RAB7A: variants seen among roughly 807,000 people sequenced by gnomAD.
RAB7A encodes RAB7A, member RAS oncogene family.
Under a neutral mutation model 24.5 loss-of-function variants are expected in RAB7A, and 2 were observed. That is an observed-to-expected ratio of 0.08 (90% CI 0.03 to 0.26). The LOEUF (loss-of-function observed/expected upper bound fraction) is 0.26, where lower values mean the gene tolerates loss of function less well. Among genes scored for constraint, RAB7A ranks in the 10% least tolerant of loss-of-function variants. The pLI, the probability that RAB7A is intolerant of heterozygous loss-of-function variation, is 1.00. For synonymous variants in RAB7A, 100 were observed against 95.9 expected (o/e 1.04, Z -0.25); for missense variants, 118 against 255.7 (o/e 0.46, Z 3.67).
chr3:128,776,945 TACACACACACACACACACAC>T (rs71153145), intron 1 of RAB7A, among the ~76,000 whole-genome samples: 4 of 142,358 alleles, frequency 2.8e-5, no homozygotes, highest in Admixed American at 2.1e-4. Flanking sequence ...TTAGTTGAGC[TACACACACACACACACACAC>T]ACACACACAC....
At chr3:128,802,501 G>T (rs1316989027) in intron 3 of RAB7A, among the ~76,000 whole-genome samples, 1 of 152,112 alleles carries the variant, frequency 6.6e-6, no homozygotes, top group Non-Finnish European at 1.5e-5. Context: ...TTTTATTTAT[G>T]TATGTATGTA....
chr3:128,730,820 C>CT (rs1220083710), intron 1 of RAB7A, among the ~76,000 whole-genome samples: 1 of 152,110 alleles, frequency 6.6e-6, no homozygotes, highest in Non-Finnish European at 1.5e-5. Context: ...GGCCTGGAGT[C>CT]TCTGTTTTGG....
At chr3:128,746,015 C>T (rs111923771) in intron 1 of RAB7A, among the ~76,000 whole-genome samples, 88 of 152,284 alleles carry the variant, frequency 5.8e-4, no homozygotes, top group African/African-American at 2.0e-3. Flanking sequence ...CCATGGAGCT[C>T]GGGATCTTGT....
chr3:128,758,261 T>C (rs568935631), intron 1 of RAB7A, among the ~76,000 whole-genome samples: 6 of 145,974 alleles, frequency 4.1e-5, no homozygotes, highest in Admixed American at 1.4e-4. Context: ...ACCACCCCAG[T>C]GTTTGTTTTT....
chr3:128,784,201 G>A (rs73198844), intron 1 of RAB7A, among the ~76,000 whole-genome samples: 6,300 of 152,186 alleles, frequency 0.041, 179 homozygotes, highest in Non-Finnish European at 0.058. Context: ...CTCAAACTTA[G>A]CATGTCTAAA....
chr3:128,813,295 A>G, intron 5 of RAB7A, 32 bp from the exon 6 acceptor site: 4 of 1,592,014 alleles, frequency 2.5e-6, no homozygotes, highest in Non-Finnish European at 3.4e-6. Context: ...CTATTCCCTG[A>G]GTAACCAACC....
intron 1 of RAB7A, among the ~76,000 whole-genome samples, chr3:128,760,103 G>T (rs867537934): frequency 1.3e-5 from 2 of 152,208 alleles, no homozygotes; most frequent in African/African-American, 4.8e-5. Flanking sequence ...GGTGTTTCTG[G>T]ATGAGATTTG....
At chr3:128,780,180 A>C (rs1255824338) in intron 1 of RAB7A, among the ~76,000 whole-genome samples, 4 of 152,230 alleles carry the variant, frequency 2.6e-5, no homozygotes, top group Non-Finnish European at 4.4e-5. Context: ...CAGTGGGGAC[A>C]CAAATCAATT....
chr3:128,739,231 C>T (rs976428335), intron 1 of RAB7A, among the ~76,000 whole-genome samples: 6 of 152,050 alleles, frequency 3.9e-5, no homozygotes, highest in East Asian at 1.9e-4. Context: ...TAAAGCGGGC[C>T]GGGAGTGGTG....
chr3:128,801,878 A>G (rs1933706132), intron 3 of RAB7A, among the ~76,000 whole-genome samples: 1 of 152,212 alleles, frequency 6.6e-6, no homozygotes, highest in African/African-American at 2.4e-5. Flanking sequence ...AATTAAAAAA[A>G]AAAGACTTAA....
At chr3:128,767,652 G>A (rs1259321177) in intron 1 of RAB7A, among the ~76,000 whole-genome samples, 3 of 152,204 alleles carry the variant, frequency 2.0e-5, no homozygotes, top group East Asian at 1.9e-4. Flanking sequence ...AAGGACAGAC[G>A]GGGTGAGTGG....
intron 1 of RAB7A, among the ~76,000 whole-genome samples, chr3:128,783,995 G>A (rs974175102): frequency 6.6e-6 from 1 of 152,124 alleles, no homozygotes; most frequent in African/African-American, 2.4e-5. Context: ...ACCTCTAGAT[G>A]GCAGGTCCAG....
chr3:128,813,041 C>T (rs768152757), intron 5 of RAB7A, among the ~76,000 whole-genome samples: 17 of 152,386 alleles, frequency 1.1e-4, no homozygotes, highest in Middle Eastern at 3.4e-3. Flanking sequence ...TGTCCATGAA[C>T]TTCTGTCCTG....
intron 1 of RAB7A, among the ~76,000 whole-genome samples, chr3:128,728,384 T>C (rs1389839830): frequency 1.3e-5 from 2 of 152,208 alleles, no homozygotes; most frequent in Non-Finnish European, 2.9e-5. Flanking sequence ...AATATTACAG[T>C]TTCTAATTAA....
rs1933058514 is a variant in RAB7A at position 128,775,166 on chromosome 3, GGAGAATAGCAGTAAT to G, written c.-8-20193_-8-20179del. On this transcript the variant is annotated intron_variant, in intron 1 of 5. Transcript: ENST00000265062. The stretch of plus-strand genomic sequence containing the variant: ...GAGCCCTGGTTGGGGTCCTTTGATT[GGAGAATAGCAGTAAT>G]AATGGGGAGGAGAGGTAGAAATGCA... Among the ~76,000 whole-genome samples, 6 of 152,348 alleles carry G rather than the reference GGAGAATAGCAGTAAT, an allele frequency of 3.9e-5. No homozygotes were observed. The South Asian group carries it at 1.2e-3, about 32-fold the overall frequency.
chr3:128,731,530 T>G (rs2107581289), intron 1 of RAB7A, among the ~76,000 whole-genome samples: 1 of 152,358 alleles, frequency 6.6e-6, no homozygotes, highest in Non-Finnish European at 1.5e-5. Context: ...ACATGTGATT[T>G]CATTTGGTGC....
intron 1 of RAB7A, among the ~76,000 whole-genome samples, chr3:128,761,904 A>G (rs1327665995): frequency 6.6e-6 from 1 of 152,244 alleles, no homozygotes; most frequent in Non-Finnish European, 1.5e-5. Flanking sequence ...CACCAGCCCC[A>G]TCAAGATGTC....
At chr3:128,748,058 G>C (rs1371880386) in intron 1 of RAB7A, among the ~76,000 whole-genome samples, 1 of 152,214 alleles carries the variant, frequency 6.6e-6, no homozygotes, top group Admixed American at 6.5e-5. Context: ...ATGAGCCACT[G>C]TGCCCGGCCA....
intron 1 of RAB7A, among the ~76,000 whole-genome samples, chr3:128,742,529 T>C (rs777862165): frequency 9.2e-5 from 14 of 152,152 alleles, no homozygotes; most frequent in Non-Finnish European, 1.8e-4. Flanking sequence ...TAATCCCTGA[T>C]CTAGACACAG....
Sources: gnomAD v4.1 joint callset for allele counts (sites outside exome capture counted in the v4.1 genomes callset) on GRCh38, gnomAD v4.1.1 for gene constraint, MANE v1.5 for transcripts, NCBI Gene and HGNC (gene_info 2026-07-23, HGNC 2026-07-21) for gene names.